Variants in DOCK3 observed in about 807,000 individuals in gnomAD.
DOCK3 encodes dedicator of cytokinesis 3.
A neutral mutation model predicts 265.6 loss-of-function variants in DOCK3; 60 were observed. The ratio of observed to expected loss-of-function variants is 0.23; its 90% confidence interval spans 0.18 to 0.28. DOCK3 has a LOEUF of 0.28. Among genes scored for constraint, DOCK3 ranks in the 10% least tolerant of loss-of-function variants. The probability of loss-of-function intolerance (pLI) is 1.00; values close to 1 mark genes in which losing one functional copy is unlikely to be tolerated. For missense variants in DOCK3, 1,981 were observed against 2,594.3 expected (o/e 0.76, Z 5.14); for synonymous variants, 881 against 938.0 (o/e 0.94, Z 1.11).
intron 2 of DOCK3, among the ~76,000 whole-genome samples, chr3:50,796,443 A>G (rs1364878649): frequency 1.3e-5 from 2 of 151,824 alleles, no homozygotes; most frequent in African/African-American, 4.8e-5. Context: ...GGTTCAAGCT[A>G]TTCTCCTGCC....
At chr3:51,099,561 G>C (rs1471928307) in intron 9 of DOCK3, among the ~76,000 whole-genome samples, 2 of 152,210 alleles carry the variant, frequency 1.3e-5, no homozygotes, top group East Asian at 1.9e-4. Context: ...AAAATCCTCT[G>C]TGAGGAGAGG....
intron 12 of DOCK3, among the ~76,000 whole-genome samples, chr3:51,189,391 G>C (rs1013859254): frequency 6.6e-6 from 1 of 151,992 alleles, no homozygotes; most frequent in Non-Finnish European, 1.5e-5. Context: ...CCAATGTGTA[G>C]ATTTTTTATT....
At chr3:51,326,844 C>T (rs1364671513) in intron 32 of DOCK3, among the ~76,000 whole-genome samples, 1 of 151,994 alleles carries the variant, frequency 6.6e-6, no homozygotes. Context: ...AGGCTGGTCT[C>T]AAACTCCTGA....
intron 5 of DOCK3, among the ~76,000 whole-genome samples, chr3:50,972,566 C>G (rs938045351): frequency 1.8e-4 from 27 of 152,226 alleles, no homozygotes; most frequent in Non-Finnish European, 1.2e-4. Flanking sequence ...GCGGGTTGCA[C>G]TCTTGCCTTA....
intron 27 of DOCK3, among the ~76,000 whole-genome samples, chr3:51,288,032 G>A (rs1201612535): frequency 6.6e-6 from 1 of 152,184 alleles, no homozygotes; most frequent in East Asian, 1.9e-4. Context: ...AACTAACACA[G>A]AAAACCAAAT....
intron 31 of DOCK3, among the ~76,000 whole-genome samples, chr3:51,313,440 C>T (rs1468596652): frequency 6.6e-6 from 1 of 152,168 alleles, no homozygotes; most frequent in Non-Finnish European, 1.5e-5. Flanking sequence ...TTTTGGCTTC[C>T]CTTCTTTGCA....
At chr3:51,290,434 G>A (rs1255119385) in intron 27 of DOCK3, among the ~76,000 whole-genome samples, 1 of 151,874 alleles carries the variant, frequency 6.6e-6, no homozygotes, top group Non-Finnish European at 1.5e-5. Flanking sequence ...CTATCGCAAG[G>A]ACAGAAATCC....
At chr3:51,013,510 C>T (rs1468547022) in intron 5 of DOCK3, among the ~76,000 whole-genome samples, 1 of 152,172 alleles carries the variant, frequency 6.6e-6, no homozygotes, top group Non-Finnish European at 1.5e-5. Flanking sequence ...TGCAGAATAG[C>T]AAATATTGCT....
At position 51,358,136 on chromosome 3, in the gene DOCK3, C is replaced by G. The variant is rs1355578364; in HGVS notation, c.4884+59C>G. ...AGAACCAGGTGTCACTTCCTCCAGA[C>G]CTACGCCACAAACCAAAGGAAAATA... On this transcript the variant is annotated intron_variant, in intron 46 of 52. Transcript: ENST00000266037. The G allele has an allele frequency of 2.6e-6, 4 of 1,564,882 alleles. No homozygotes were observed. In the East Asian group the frequency reaches 9.0e-5, roughly 35 times the overall value.
intron 5 of DOCK3, among the ~76,000 whole-genome samples, chr3:51,031,424 C>CCT (rs2080043262): frequency 6.6e-6 from 1 of 152,142 alleles, no homozygotes; most frequent in African/African-American, 2.4e-5. Flanking sequence ...AATCCACCAG[C>CCT]CTTAAAGTCT....
At chr3:51,092,204 A>C (rs909916851) in intron 9 of DOCK3, among the ~76,000 whole-genome samples, 5 of 152,178 alleles carry the variant, frequency 3.3e-5, no homozygotes, top group Non-Finnish European at 7.4e-5. Flanking sequence ...CAGGAAGCCA[A>C]GTGGTCTGGT....
chr3:51,029,779 G>T (rs1397301084), intron 5 of DOCK3, among the ~76,000 whole-genome samples: 2 of 152,184 alleles, frequency 1.3e-5, no homozygotes, highest in Non-Finnish European at 2.9e-5. Context: ...TGGTCTAAGG[G>T]TGCAGTGGCT....
chr3:51,082,154 C>G (rs1029442116), intron 7 of DOCK3, among the ~76,000 whole-genome samples: 2 of 152,030 alleles, frequency 1.3e-5, no homozygotes, highest in Non-Finnish European at 2.9e-5. Context: ...GGAGAAAAGG[C>G]ATTGTTCCAG....
At chr3:51,289,165 A>G (rs2081591676) in intron 27 of DOCK3, among the ~76,000 whole-genome samples, 1 of 152,218 alleles carries the variant, frequency 6.6e-6, no homozygotes, top group African/African-American at 2.4e-5. Context: ...GCTAGAGGCC[A>G]TTATCCTAAG....
At chr3:50,979,394 G>T (rs1468419763) in intron 5 of DOCK3, among the ~76,000 whole-genome samples, 1 of 152,206 alleles carries the variant, frequency 6.6e-6, no homozygotes, top group Non-Finnish European at 1.5e-5. Flanking sequence ...AGTGGGAGGT[G>T]TTTGGGTCAT....
chr3:51,090,317 A>G lies in DOCK3; in HGVS notation c.679A>G (p.Asn227Asp). The G allele has an allele frequency of 1.2e-6, 2 of 1,604,192 alleles. No individual in the cohort carries two copies. Among genetic ancestry groups the G allele is most frequent in the Admixed American group, 1.7e-5 (1 of 58,676 alleles). The change falls in exon 9 of 53, where the codon AAT (asparagine) becomes GAT (aspartate). Residue 227 changes from asparagine (N) to aspartate (D), a missense_variant. By Grantham distance (23) the Asn-to-Asp change is conservative. This residue lies in a region of DOCK3 where 456 missense variants were observed against 539.0 expected (regional missense o/e 0.85). Coordinates refer to ENST00000266037, the MANE Select transcript of DOCK3 (RefSeq NM_004947.5). ...CCTCAGCCTGAAGAGTTTCACTTAC[A>G]ATACTATTGGGGAAGATACCGATGT... ...FFLSLKSFTYNTIGEDTDVFF... is the reference protein window; with the variant it reads ...FFLSLKSFTYDTIGEDTDVFF...
intron 12 of DOCK3, among the ~76,000 whole-genome samples, chr3:51,199,745 G>C (rs1458315627): frequency 3.9e-5 from 6 of 152,214 alleles, no homozygotes; most frequent in Non-Finnish European, 8.8e-5. Flanking sequence ...CCTCAAGTGG[G>C]TCCCTGACCC....
At position 51,237,517 on chromosome 3, in the gene DOCK3, A is replaced by G; in HGVS notation, c.2029A>G (p.Ile677Val). Residue 677 changes from isoleucine (I) to valine (V), a missense_variant, in exon 21 of 53, where the codon ATC (isoleucine) becomes GTC (valine). Physicochemically the swap from Ile to Val is conservative, Grantham distance 29. Coordinates refer to ENST00000266037, the MANE Select transcript of DOCK3 (RefSeq NM_004947.5). ...LVFIINLLRD[I>V]KYFHFRPVMD... Reference sequence around the variant, plus strand: ...GTTCATCATCAACCTGCTCCGAGACATCAAGTATTTTCACTTTCGACCTGT... The same window carrying G: ...GTTCATCATCAACCTGCTCCGAGACGTCAAGTATTTTCACTTTCGACCTGT... 2.5e-6 allele frequency: 4 copies of G among 1,613,432 alleles called. No homozygotes were observed. Among genetic ancestry groups the G allele is most frequent in the Non-Finnish European group, 3.4e-6 (4 of 1,179,748 alleles).
In DOCK3 at chr3:51,338,984, T is replaced by C; in HGVS notation, c.3722T>C (p.Ile1241Thr). 1 of 1,610,482 alleles carries C rather than the reference T, an allele frequency of 6.2e-7. No homozygotes were observed. The highest frequency in any genetic ancestry group is 1.1e-5 in the South Asian group (1 of 90,282). The change falls in exon 37 of 53, where the codon ATC (isoleucine) becomes ACC (threonine). Residue 1241 changes from isoleucine (I) to threonine (T), a missense_variant. By Grantham distance (89) the Ile-to-Thr change is moderately conservative (BLOSUM62 -1). Around this residue, in one of 4 missense-constraint regions of DOCK3, gnomAD observed 1,357 missense variants for 1,866.8 expected, o/e 0.73. Coordinates refer to ENST00000266037, the MANE Select transcript of DOCK3 (RefSeq NM_004947.5). Reference sequence around the variant, plus strand: ...AAGGAAGAAATGTATATCCGCTACATCCATAAGCTTTGTGACATGCACTTG... The same window carrying C: ...AAGGAAGAAATGTATATCCGCTACACCCATAAGCTTTGTGACATGCACTTG... ...INKEEMYIRY[I>T]HKLCDMHLQA... is the part of the protein sequence containing the mutation.
Sources: allele counts gnomAD v4.1 joint callset (sites outside exome capture counted in the v4.1 genomes callset), GRCh38; gene constraint gnomAD v4.1.1; regional missense constraint gnomAD v4.1.1; transcripts MANE v1.5; gene names NCBI Gene and HGNC (gene_info 2026-07-23, HGNC 2026-07-21).